Variants in PLXNA3 observed in about 807,000 individuals in gnomAD.
PLXNA3 encodes the protein plexin-A3.
PLXNA3 carries 52 observed loss-of-function variants against 118.8 expected under a neutral mutation model. The observed-to-expected ratio is 0.44, with a 90% confidence interval of 0.35 to 0.55. PLXNA3 has a LOEUF of 0.55. Ranked by LOEUF, PLXNA3 falls within the 20% of genes least tolerant of loss-of-function variation. The probability of loss-of-function intolerance (pLI) is 0.01; values close to 1 mark genes in which losing one functional copy is unlikely to be tolerated. For synonymous variants in PLXNA3, 925 were observed against 762.4 expected (o/e 1.21, Z -3.51); for missense variants, 1,660 against 1,730.8 (o/e 0.96, Z 0.73).
At chrX:154,459,055 C>G (rs2068890040) in intron 1 of PLXNA3, among the ~76,000 whole-genome samples, 1 of 111,628 alleles carries the variant, frequency 9.0e-6, no homozygotes, top group African/African-American at 3.3e-5. Flanking sequence ...TCAATCTGAG[C>G]TGAAACTTTG....
At position 154,461,221 on chromosome X, in the gene PLXNA3, G is replaced by A. The variant is rs1569554131; in HGVS notation, c.717G>A (p.Leu239=). The A allele has an allele frequency of 2.5e-6, 3 of 1,212,517 alleles. No individual in the cohort carries two copies. Among genetic ancestry groups the A allele is most frequent in the Non-Finnish European group, 3.3e-6 (3 of 895,609 alleles). Residue 239 remains leucine (L), a synonymous_variant, in exon 3 of 33, where the codon CTG becomes CTA. Coordinates refer to ENST00000369682, the MANE Select transcript of PLXNA3 (RefSeq NM_017514.5). ...TCAGCGCCTCCTTCGTGTACTTCCTGACGCTGCAGCTGGACACCCAGCAGA... is the reference window on the plus strand; with the variant it reads ...TCAGCGCCTCCTTCGTGTACTTCCTAACGCTGCAGCTGGACACCCAGCAGA... The part of the protein sequence containing the change: ...GFVSASFVYF[L]TLQLDTQQTL...
chrX:154,477,562 A>C lies in PLXNA3; in HGVS notation c.*4877A>C, dbSNP rs1438304248. 2 of 153,785 alleles carry C rather than the reference A, an allele frequency of 1.3e-5. No individual in the cohort carries two copies. Among genetic ancestry groups the C allele is most frequent in the African/African-American group, 6.2e-5 (2 of 32,199 alleles). The allele number at this position is 153,785 out of a possible 1,213,427, so 12.7% of individuals were successfully genotyped here. ...AGTTACACATTTACTATGTAAGTGC[A>C]ACTGTAAAACTGAGGAAGTATTCCA... On this transcript the variant is annotated 3_prime_UTR_variant, in exon 33 of 33. Transcript: ENST00000369682.
At position 154,462,178 on chromosome X, in the gene PLXNA3, G is replaced by C; in HGVS notation, c.1185G>C (p.Leu395=). The part of the protein sequence containing the change: ...NFCGLVLNQP[L]GGLHVIEGLP... ...GTGGGCTGGTGTTGAACCAGCCTCT[G>C]GGAGGCCTGCATGTGATCGAGGGGC... Residue 395 remains leucine (L), a synonymous_variant, in exon 4 of 33, where the codon CTG becomes CTC. Transcript: ENST00000369682. 2 of 1,204,792 alleles carry C rather than the reference G, an allele frequency of 1.7e-6. No homozygotes were observed. Among genetic ancestry groups the C allele is most frequent in the Non-Finnish European group, 1.1e-6 (1 of 892,017 alleles).
In PLXNA3 at chrX:154,467,293, G is replaced by A. The variant is rs201224695; in HGVS notation, c.3263G>A (p.Arg1088Gln). The A allele has an allele frequency of 2.1e-4, 249 of 1,207,618 alleles. 1 individual carries two copies. The highest frequency in any genetic ancestry group is 7.7e-4 in the South Asian group (44 of 56,922). The change falls in exon 19 of 33, where the codon CGG becomes CAG. Residue 1088 changes from arginine (R) to glutamine (Q), a missense_variant. Coordinates refer to ENST00000369682, the MANE Select transcript of PLXNA3 (RefSeq NM_017514.5). ...LCKAPGIFLGRPQPRAQGEHP... is the reference protein window; with the variant it reads ...LCKAPGIFLGQPQPRAQGEHP... Reference sequence around the variant, plus strand: ...AAGGCCCCCGGCATCTTTCTTGGGCGGCCCCAGCCTCGGGCGCAAGGCGAG... The same window carrying A: ...AAGGCCCCCGGCATCTTTCTTGGGCAGCCCCAGCCTCGGGCGCAAGGCGAG...
chrX:154,463,669 G>A lies in PLXNA3; in HGVS notation c.1526G>A (p.Gly509Asp). The A allele has an allele frequency of 8.3e-7, 1 of 1,203,226 alleles. No homozygotes were observed. The change falls in exon 6 of 33, where the codon GGT becomes GAT. Residue 509 changes from glycine to aspartate, a missense_variant. Around this residue, in one of 2 missense-constraint regions of PLXNA3, gnomAD observed 791 missense variants for 652.1 expected, o/e 1.21. Transcript: ENST00000369682. ...ACLGSGDPHC[G>D]WCVLRHRCCR... is the part of the protein sequence containing the mutation. Reference sequence around the variant, plus strand: ...CTGGGCTCCGGGGACCCGCACTGTGGTTGGTGTGTGCTGCGACACAGGTGA... The same window carrying A: ...CTGGGCTCCGGGGACCCGCACTGTGATTGGTGTGTGCTGCGACACAGGTGA...
chrX:154,465,436 G>A lies in PLXNA3; in HGVS notation c.2257G>A (p.Gly753Ser). ...QCQNASYSYE[G>S]DEHGDTELDF... ...TCCTTTCCTCCAGTACTCCTATGAA[G>A]GTGATGAGCATGGTGACACCGAGCT... Residue 753 changes from glycine to serine, a missense_variant, in exon 12 of 33, where the codon GGT becomes AGT. Around this residue, in one of 2 missense-constraint regions of PLXNA3, gnomAD observed 869 missense variants for 1,078.7 expected, o/e 0.81. Transcript: ENST00000369682. The A allele has an allele frequency of 2.5e-6, 3 of 1,204,392 alleles. No homozygotes were observed. The highest frequency in any genetic ancestry group is 3.4e-6 in the Non-Finnish European group (3 of 889,020).
Position 154,465,456 on chromosome X carries a change from C to G in PLXNA3, c.2277C>G (p.Thr759=). The change falls in exon 12 of 33, where the codon ACC becomes ACG. Residue 759 remains threonine (T), a synonymous_variant. Transcript: ENST00000369682. Reference sequence around the variant, plus strand: ...ATGAAGGTGATGAGCATGGTGACACCGAGCTGGACTTTTCCGTGGTCTGGG... The same window carrying G: ...ATGAAGGTGATGAGCATGGTGACACGGAGCTGGACTTTTCCGTGGTCTGGG... The part of the protein sequence containing the change: ...YSYEGDEHGD[T]ELDFSVVWDG... 8.3e-7 allele frequency: 1 copy of G among 1,208,792 alleles called. No individual in the cohort carries two copies. Among genetic ancestry groups the G allele is most frequent in the Non-Finnish European group, 1.1e-6 (1 of 892,951 alleles).
Position 154,476,932 on chromosome X carries a change from A to C in PLXNA3, c.*4247A>C, listed in dbSNP as rs2069240214. On this transcript the variant is annotated 3_prime_UTR_variant, in exon 33 of 33. Coordinates refer to ENST00000369682, the MANE Select transcript of PLXNA3 (RefSeq NM_017514.5). ...TTTGCAGGGCGGAGAACCAGAGAGA[A>C]GAGAGCTGCACAGGGAAAGAACCCT... The C allele has an allele frequency of 8.9e-6, 1 of 111,867 alleles. No individual in the cohort carries two copies. The highest frequency in any genetic ancestry group is 3.7e-4 in the South Asian group (1 of 2,671). 9.2% of individuals were successfully genotyped at this position (111,867 alleles called of 1,213,427 possible).
At position 154,460,303 on chromosome X, in the gene PLXNA3, G is replaced by T. The variant is rs781882951; in HGVS notation, c.120G>T (p.Arg40=). The T allele has an allele frequency of 1.7e-6, 2 of 1,208,809 alleles. No individual in the cohort carries two copies. The highest frequency in any genetic ancestry group is 3.5e-5 in the African/African-American group (2 of 57,280). ...DTTLTHLAVH[R]VTGEVFVGAV... Reference sequence around the variant, plus strand: ...CGCTTACCCACCTGGCTGTGCACCGGGTGACTGGGGAGGTGTTCGTGGGCG... The same window carrying T: ...CGCTTACCCACCTGGCTGTGCACCGTGTGACTGGGGAGGTGTTCGTGGGCG... Residue 40 remains arginine, a synonymous_variant, in exon 2 of 33, where the codon CGG becomes CGT. Transcript: ENST00000369682.
intron 11 of PLXNA3, 54 bp downstream of exon 11, chrX:154,465,272 A>T (rs2069060221): frequency 9.1e-7 from 1 of 1,099,957 alleles, no homozygotes; most frequent in Non-Finnish European, 1.2e-6. Context: ...CGTGGTGTGG[A>T]TCGTTCTTGT....
chrX:154,472,490 G>A, intron 32 of PLXNA3, 100 bp from the exon 33 acceptor site: 1 of 559,782 alleles, frequency 1.8e-6, no homozygotes, highest in East Asian at 3.3e-5. Context: ...GGAGGGATGA[G>A]GCGTGTGGGA....
At position 154,467,770 on chromosome X, in the gene PLXNA3, C is replaced by T; in HGVS notation, c.3589C>T (p.Leu1197=). The T allele has an allele frequency of 1.7e-6, 2 of 1,200,734 alleles. No homozygotes were observed. The highest frequency in any genetic ancestry group is 2.2e-6 in the Non-Finnish European group (2 of 892,347). Residue 1197 remains leucine, a synonymous_variant, in exon 21 of 33, where the codon CTG becomes TTG. Transcript: ENST00000369682. ...SQTGRQPVMV[L]VGGLEFWLGT... The stretch of plus-strand genomic sequence containing the variant: ...CACCTCAGGCCTGTCCCCACAGGTG[C>T]TGGTGGGTGGCCTGGAGTTCTGGCT...
chrX:154,475,132 A>C lies in PLXNA3; in HGVS notation c.*2447A>C, dbSNP rs1603396066. The C allele has an allele frequency of 1.3e-5, 1 of 77,730 alleles. No homozygotes were observed. Among genetic ancestry groups the C allele is most frequent in the Non-Finnish European group, 2.4e-5 (1 of 41,739 alleles). The allele number at this position is 77,730 out of a possible 1,213,427, so 6.4% of individuals were successfully genotyped here. On this transcript the variant is annotated 3_prime_UTR_variant, in exon 33 of 33. Transcript: ENST00000369682. ...TTTTTTTTTTTTGAGACAGAGTTTC[A>C]CTCTTGTTGCCCAGGCTGGAGTGCA...
At position 154,463,968 on chromosome X, in the gene PLXNA3, C is replaced by A; in HGVS notation, c.1565C>A (p.Ala522Asp). 8.5e-7 allele frequency: 1 copy of A among 1,181,973 alleles called. No homozygotes were observed. The highest frequency in any genetic ancestry group is 1.1e-6 in the Non-Finnish European group (1 of 881,593). Reference sequence around the variant, plus strand: ...CCGTGCAGGTGCTGCCGCGAAGGGGCCTGTCTGGGCGCCTCTGCCCCACAC... The same window carrying A: ...CCGTGCAGGTGCTGCCGCGAAGGGGACTGTCTGGGCGCCTCTGCCCCACAC... ...VLRHRCCREGACLGASAPHGF... is the reference protein window; with the variant it reads ...VLRHRCCREGDCLGASAPHGF... Residue 522 changes from alanine to aspartate, a missense_variant, in exon 7 of 33, where the codon GCC becomes GAC. Coordinates refer to ENST00000369682, the MANE Select transcript of PLXNA3 (RefSeq NM_017514.5).
In PLXNA3 at chrX:154,465,972, G is replaced by A. The variant is rs147960153; in HGVS notation, c.2570G>A (p.Arg857Gln). 1.8e-5 allele frequency: 22 copies of A among 1,209,973 alleles called. No homozygotes were observed. The highest frequency in any genetic ancestry group is 5.9e-5 in the East Asian group (2 of 33,787). Residue 857 changes from arginine to glutamine, a missense_variant, in exon 14 of 33, where the codon CGG (arginine) becomes CAG (glutamine). By Grantham distance (43) the Arg-to-Gln change is conservative. Around this residue, in one of 2 missense-constraint regions of PLXNA3, gnomAD observed 869 missense variants for 1,078.7 expected, o/e 0.81. Coordinates refer to ENST00000369682, the MANE Select transcript of PLXNA3 (RefSeq NM_017514.5). Reference protein sequence around the residue: ...PLVGPKEGGTRVTIVGENLGL... With the variant: ...PLVGPKEGGTQVTIVGENLGL... ...GTGGGGCCCAAGGAAGGAGGCACCC[G>A]GGTCACCATCGTGGGTGAGAACCTG...
In PLXNA3 at chrX:154,471,622, C is replaced by T. The variant is rs781972979; in HGVS notation, c.5504C>T (p.Thr1835Ile). ...SALNELYFYV[T>I]KYRQEILTAL... ...CTCAACGAGCTGTATTTCTATGTCA[C>T]CAAGTACCGCCAGGAGGTGTGTGTC... The change falls in exon 32 of 33, where the codon ACC becomes ATC. Residue 1835 changes from threonine (T) to isoleucine (I), a missense_variant. Thr to Ile is a moderately conservative substitution (Grantham distance 89). Transcript: ENST00000369682. 29 of 1,205,634 alleles carry T rather than the reference C, an allele frequency of 2.4e-5. No homozygotes were observed. Among genetic ancestry groups the T allele is most frequent in the Non-Finnish European group, 3.1e-5 (28 of 891,614 alleles).
rs782093266 is a variant in PLXNA3 at position 154,463,922 on chromosome X, G to A, written c.1548-29G>A. ...GCCTGGGCCCTCCCGGGGCAGTGGC[G>A]GGACCGGCTCTGGCCCGACCCCGTG... On this transcript the variant is annotated intron_variant, in intron 6 of 32. Transcript: ENST00000369682. The A allele has an allele frequency of 2.0e-4, 230 of 1,151,187 alleles. 2 individuals carry two copies. The highest frequency in any genetic ancestry group is 1.4e-3 in the South Asian group (69 of 50,933). 94.9% of individuals were successfully genotyped at this position (1,151,187 alleles called of 1,213,427 possible). A position where few individuals can be genotyped will look rare whatever the true frequency, so the allele number is the denominator to read the frequency against.
chrX:154,469,948 C>G (rs782054277), intron 28 of PLXNA3, 29 bp from the exon 29 acceptor site: 3 of 1,202,719 alleles, frequency 2.5e-6, no homozygotes, highest in Middle Eastern at 2.3e-4. Flanking sequence ...AGGTGGTGGC[C>G]TAAGGGTCAC....
intron 2 of PLXNA3, 109 bp from the exon 3 acceptor site, chrX:154,460,990 G>A (rs1236762009): frequency 7.7e-6 from 6 of 782,787 alleles, no homozygotes; most frequent in Admixed American, 6.0e-5. Context: ...TTCTGGCCTG[G>A]GCCTCTGTGA....
Sources: allele counts gnomAD v4.1 joint callset (sites outside exome capture counted in the v4.1 genomes callset), GRCh38; gene constraint gnomAD v4.1.1; regional missense constraint gnomAD v4.1.1; transcripts MANE v1.5; gene names NCBI Gene and HGNC (gene_info 2026-07-23, HGNC 2026-07-21).